ZNF773: variants seen among roughly 807,000 people sequenced by gnomAD.
ZNF773 encodes zinc finger protein 773.
ZNF773 carries 11 observed loss-of-function variants against 12.8 expected under a neutral mutation model. The observed-to-expected ratio is 0.86, with a 90% CI of 0.54 to 1.42. The LOEUF (loss-of-function observed/expected upper bound fraction) is 1.42. Ranked by LOEUF, ZNF773 falls within the 40% of genes most tolerant of loss-of-function variation. The probability of loss-of-function intolerance (pLI) is 0.00; values close to 1 mark genes in which losing one functional copy is unlikely to be tolerated. For synonymous variants in ZNF773, 175 were observed against 178.4 expected, an observed-to-expected ratio of 0.98 and a Z score of 0.15; for missense variants, 518 against 527.2, an observed-to-expected ratio of 0.98 and a Z score of 0.17.
chr19:57,500,955 G>A (rs774497800), intron 1 of ZNF773, among the ~76,000 whole-genome samples: 1 of 152,180 alleles, frequency 6.6e-6, no homozygotes, highest in Admixed American at 6.5e-5. Context: ...GTGGTCCGAA[G>A]TGATTTTGTC....
At chr19:57,513,118 A>C, downstream of ZNF773, 1 of 1,440,642 alleles carries the variant, frequency 6.9e-7, no homozygotes, top group Non-Finnish European at 9.2e-7. Context: ...AGAATGAGAA[A>C]CCCCAGGACA....
chr19:57,506,126 C>A (rs1768742238), intron 3 of ZNF773, among the ~76,000 whole-genome samples: 1 of 152,154 alleles, frequency 6.6e-6, no homozygotes, highest in Non-Finnish European at 1.5e-5. Context: ...CTCTGCCTCT[C>A]CTCCTTGTGC....
intron 1 of ZNF773, among the ~76,000 whole-genome samples, chr19:57,503,599 C>A (rs118031291): frequency 1.3e-5 from 2 of 151,440 alleles, no homozygotes; most frequent in East Asian, 3.9e-4. Flanking sequence ...GCTGGATTAG[C>A]TCAAGATCAA....
intron 1 of ZNF773, among the ~76,000 whole-genome samples, chr19:57,501,015 A>G (rs1160807263): frequency 6.6e-6 from 1 of 152,128 alleles, no homozygotes; most frequent in African/African-American, 2.4e-5. Context: ...CCAGGACTGG[A>G]TGGAGACCGC....
chr19:57,506,385 C>A lies in ZNF773; in HGVS notation c.290C>A (p.Ala97Glu), dbSNP rs61731281. Residue 97 changes from alanine to glutamate, a missense_variant, in exon 4 of 4, where the codon GCA becomes GAA. Coordinates refer to ENST00000282292, the MANE Select transcript of ZNF773 (RefSeq NM_198542.3). ...AGTTGGCAAGGAGCCAAGGCTGAGGCAGCTGCTGAGCAGAGTGCTTCTGTA... is the reference window on the plus strand; with the variant it reads ...AGTTGGCAAGGAGCCAAGGCTGAGGAAGCTGCTGAGCAGAGTGCTTCTGTA... ...RGSWQGAKAEAAAEQSASVEV... is the reference protein window; with the variant it reads ...RGSWQGAKAEEAAEQSASVEV... The A allele has an allele frequency of 0.19, 312,421 of 1,611,192 alleles. 31,010 individuals are homozygous for A. Among genetic ancestry groups the A allele is most frequent in the African/African-American group, 0.25 (19,005 of 74,782 alleles).
chr19:57,513,273 G>C, downstream of ZNF773: 1 of 430,664 alleles, frequency 2.3e-6, no homozygotes, highest in Non-Finnish European at 3.8e-6. Context: ...TAAACAATCT[G>C]GTGCTCAGGT....
Position 57,508,086 on chromosome 19 carries a change from A to G in ZNF773, c.*662A>G. On this transcript the variant is annotated 3_prime_UTR_variant, in exon 4 of 4. Coordinates refer to ENST00000282292, the MANE Select transcript of ZNF773 (RefSeq NM_198542.3). Reference sequence around the variant, plus strand: ...AACCCGGGAGGCGGAGGTTGCATTGAGCCGAGATCACGCCACTGCACTCCA... The same window carrying G: ...AACCCGGGAGGCGGAGGTTGCATTGGGCCGAGATCACGCCACTGCACTCCA... The G allele has an allele frequency of 2.6e-6, 2 of 760,050 alleles. No individual in the cohort carries two copies. Among genetic ancestry groups the G allele is most frequent in the Non-Finnish European group, 3.2e-6 (2 of 627,170 alleles). 47.1% of individuals were successfully genotyped at this position (760,050 alleles called of 1,614,324 possible).
rs2089753922 is a variant in ZNF773, at chr19:57,507,434, A to G, written c.*10A>G. On this transcript the variant is annotated 3_prime_UTR_variant, in exon 4 of 4. Coordinates refer to ENST00000282292, the MANE Select transcript of ZNF773 (RefSeq NM_198542.3). ...TGGAGAAATACAATGATTGTGAGAA[A>G]TCCTTTAGCTGGTGTTTCAACCTCA... 6.4e-7 allele frequency: 1 copy of G among 1,572,348 alleles called. No homozygotes were observed. Among genetic ancestry groups the G allele is most frequent in the Admixed American group, 1.9e-5 (1 of 51,892 alleles).
chr19:57,500,471 C>T (rs540416179), intron 1 of ZNF773, among the ~76,000 whole-genome samples: 73 of 150,082 alleles, frequency 4.9e-4, no homozygotes, highest in Middle Eastern at 3.4e-3. Context: ...TGCCAAAGGC[C>T]CTTCAAGTCA....
At chr19:57,504,826 C>G (rs372709605) in intron 2 of ZNF773, 40 bp downstream of exon 2, 35 of 1,585,882 alleles carry the variant, frequency 2.2e-5, no homozygotes, top group Non-Finnish European at 2.8e-5. Flanking sequence ...CTGAGCTGGA[C>G]TTGGCTTTTC....
chr19:57,516,838 T>G (rs375127484), downstream of ZNF773: 5 of 152,360 alleles, frequency 3.3e-5, no homozygotes, highest in East Asian at 3.9e-4. Context: ...CATGGTCATT[T>G]AGATGGGAGA....
intron 3 of ZNF773, among the ~76,000 whole-genome samples, chr19:57,505,664 G>A (rs1320824795): frequency 6.6e-6 from 1 of 151,734 alleles, no homozygotes; most frequent in Non-Finnish European, 1.5e-5. Flanking sequence ...GTGAGGTGGG[G>A]CGCTTATTCT....
At chr19:57,518,372 C>CTGTA (rs1051710017) in exon 5 of ZNF773, 14 of 152,250 alleles carry the variant, frequency 9.2e-5, no homozygotes, top group African/African-American at 3.1e-4. Flanking sequence ...ATACAAAGGG[C>CTGTA]TGTAGAAGCT....
At chr19:57,501,014 G>C (rs1421190302) in intron 1 of ZNF773, among the ~76,000 whole-genome samples, 2 of 152,164 alleles carry the variant, frequency 1.3e-5, no homozygotes, top group African/African-American at 4.8e-5. Flanking sequence ...CCCAGGACTG[G>C]ATGGAGACCG....
intron 1 of ZNF773, among the ~76,000 whole-genome samples, chr19:57,502,169 C>G (rs2089678162): frequency 1.3e-5 from 2 of 152,000 alleles, no homozygotes; most frequent in African/African-American, 4.8e-5. Context: ...CTCAAACTCC[C>G]AATCTCAGGT....
At chr19:57,501,824 G>A (rs1395524008) in intron 1 of ZNF773, among the ~76,000 whole-genome samples, 1 of 152,034 alleles carries the variant, frequency 6.6e-6, no homozygotes, top group Non-Finnish European at 1.5e-5. Context: ...CTACCTACAT[G>A]GTCTTCAGAA....
chr19:57,518,223 C>A (rs931888591), exon 5 of ZNF773: 1 of 152,278 alleles, frequency 6.6e-6, no homozygotes, highest in South Asian at 2.0e-4. Flanking sequence ...GCAGTCATAC[C>A]CCACGTGCAG....
downstream of ZNF773, chr19:57,514,426 TA>T (rs2089819336): frequency 6.6e-6 from 1 of 152,194 alleles, no homozygotes; most frequent in Non-Finnish European, 1.5e-5. Flanking sequence ...GATTCTTCAT[TA>T]GACTCTCCTC....
rs1390852173 is a variant in ZNF773, at chr19:57,507,653, C to A, written c.*229C>A. On this transcript the variant is annotated 3_prime_UTR_variant, in exon 4 of 4. Transcript: ENST00000282292. Reference sequence around the variant, plus strand: ...GTTTAGACTGGAGAAAGGCCTTAGACTGTCGCTGAATCAATATGACCTGAC... The same window carrying A: ...GTTTAGACTGGAGAAAGGCCTTAGAATGTCGCTGAATCAATATGACCTGAC... The A allele has an allele frequency of 7.4e-7, 1 of 1,349,296 alleles. No individual in the cohort carries two copies. Among genetic ancestry groups the A allele is most frequent in the African/African-American group, 1.5e-5 (1 of 68,216 alleles). 83.6% of individuals were successfully genotyped at this position (1,349,296 alleles called of 1,614,324 possible).
Sources: gnomAD v4.1 joint callset for allele counts (sites outside exome capture counted in the v4.1 genomes callset) on GRCh38, gnomAD v4.1.1 for gene constraint, MANE v1.5 for transcripts, NCBI Gene and HGNC (gene_info 2026-07-23, HGNC 2026-07-21) for gene names.